Variants in MEIS1 observed in about 807,000 individuals in gnomAD.
MEIS1 encodes homeobox protein Meis1.
Under a neutral mutation model 50.8 loss-of-function variants are expected in MEIS1, and 5 were observed. That is an observed-to-expected ratio of 0.10 (90% CI 0.05 to 0.21). The LOEUF (loss-of-function observed/expected upper bound fraction) is 0.21, where lower values mean the gene tolerates loss of function less well. MEIS1 is among the 10% of genes least tolerant of loss of function. MEIS1 has a pLI of 1.00. For synonymous variants in MEIS1, 176 were observed against 179.3 expected (o/e 0.98, Z 0.15); for missense variants, 318 against 517.3 (o/e 0.61, Z 3.74).
intron 9 of MEIS1, among the ~76,000 whole-genome samples, chr2:66,552,935 A>G (rs994012685): frequency 1.3e-5 from 2 of 152,202 alleles, no homozygotes; most frequent in Admixed American, 6.5e-5. Context: ...TTCTTCCAAC[A>G]TAATTTAATA....
At chr2:66,557,051 G>A (rs1675085112) in intron 9 of MEIS1, among the ~76,000 whole-genome samples, 1 of 152,066 alleles carries the variant, frequency 6.6e-6, no homozygotes, top group Non-Finnish European at 1.5e-5. Flanking sequence ...TTTTGAAATT[G>A]CAAATAACAA....
chr2:66,439,803 T>G (rs2103678749), intron 2 of MEIS1, 40 bp from the exon 3 acceptor site: 1 of 1,609,598 alleles, frequency 6.2e-7, no homozygotes, highest in Non-Finnish European at 8.5e-7. Flanking sequence ...GACTGGGGAC[T>G]AACCATTATG....
chr2:66,520,930 G>A (rs1368395952), intron 8 of MEIS1, among the ~76,000 whole-genome samples: 2 of 152,144 alleles, frequency 1.3e-5, no homozygotes, highest in South Asian at 4.2e-4. Context: ...AAATCAAATC[G>A]CGTTGTGGGA....
At chr2:66,493,262 C>T (rs564772708) in intron 7 of MEIS1, among the ~76,000 whole-genome samples, 1 of 152,242 alleles carries the variant, frequency 6.6e-6, no homozygotes, top group Admixed American at 6.5e-5. Context: ...TGGGTTCAAG[C>T]CCCTTCTCAT....
chr2:66,481,850 C>CTTTTTTTT (rs996753363), intron 7 of MEIS1, among the ~76,000 whole-genome samples: 8 of 90,176 alleles, frequency 8.9e-5, no homozygotes, highest in Non-Finnish European at 1.3e-4. Context: ...TCTGATATTT[C>CTTTTTTTT]TTTTTTTTTT....
chr2:66,482,498 T>C (rs1673041735), intron 7 of MEIS1, among the ~76,000 whole-genome samples: 1 of 152,248 alleles, frequency 6.6e-6, no homozygotes, highest in African/African-American at 2.4e-5. Flanking sequence ...CATTTATTTT[T>C]GAAATGTGTC....
intron 8 of MEIS1, among the ~76,000 whole-genome samples, chr2:66,544,107 C>A (rs1198872872): frequency 6.6e-6 from 1 of 152,162 alleles, no homozygotes; most frequent in Non-Finnish European, 1.5e-5. Context: ...CTAAAAACAG[C>A]ACTTCTCGGA....
chr2:66,458,931 TATA>T (rs1179061754), intron 6 of MEIS1, among the ~76,000 whole-genome samples: 1 of 152,152 alleles, frequency 6.6e-6, no homozygotes, highest in Non-Finnish European at 1.5e-5. Context: ...TTGTATCTAA[TATA>T]ATATCAACAT....
At chr2:66,475,279 T>G (rs1014667810) in intron 7 of MEIS1, among the ~76,000 whole-genome samples, 1 of 146,544 alleles carries the variant, frequency 6.8e-6, no homozygotes, top group African/African-American at 2.5e-5. Context: ...ATATATTATA[T>G]ATAAAAATAT....
chr2:66,495,879 G>A (rs370473327), intron 7 of MEIS1: 1 of 152,328 alleles, frequency 6.6e-6, no homozygotes, highest in African/African-American at 2.4e-5. Flanking sequence ...GCAAGTTCAG[G>A]CCTGGGCATT....
Position 66,527,859 on chromosome 2 carries a change from A to G in MEIS1, c.888+15565A>G, listed in dbSNP as rs184388793. On this transcript the variant is annotated intron_variant, in intron 8 of 12. Coordinates refer to ENST00000272369, the MANE Select transcript of MEIS1 (RefSeq NM_002398.3). ...ACATCTAACTTATCTTTGAATTGCA[A>G]TATAAATGGGGTCATTAAAAGTTTT... is the stretch of plus-strand genomic sequence containing the variant. Among the ~76,000 whole-genome samples, 752 of 152,240 alleles carry G rather than the reference A, an allele frequency of 4.9e-3. 2 individuals are homozygous for G. Among genetic ancestry groups the G allele is most frequent in the African/African-American group, 0.017 (706 of 41,530 alleles).
At chr2:66,536,233 C>T (rs979098964) in intron 8 of MEIS1, among the ~76,000 whole-genome samples, 1 of 152,080 alleles carries the variant, frequency 6.6e-6, no homozygotes, top group East Asian at 1.9e-4. Context: ...TATTTAATAC[C>T]AAATTTACAT....
intron 9 of MEIS1, among the ~76,000 whole-genome samples, chr2:66,554,058 A>T (rs1035143770): frequency 1.3e-5 from 2 of 152,218 alleles, no homozygotes; most frequent in Admixed American, 1.3e-4. Flanking sequence ...TCAGGAGGAC[A>T]AGACACTAGC....
At chr2:66,472,306 T>C (rs1402242651) in intron 7 of MEIS1, among the ~76,000 whole-genome samples, 1 of 152,208 alleles carries the variant, frequency 6.6e-6, no homozygotes, top group African/African-American at 2.4e-5. Flanking sequence ...CCATTTAATG[T>C]AGCCCAAGGA....
chr2:66,529,914 T>C (rs1438374264), intron 8 of MEIS1, among the ~76,000 whole-genome samples: 3 of 152,096 alleles, frequency 2.0e-5, no homozygotes, highest in East Asian at 3.9e-4. Context: ...ACTTAGGCAA[T>C]AGAGACCTTT....
intron 9 of MEIS1, among the ~76,000 whole-genome samples, chr2:66,560,619 G>A (rs1197857665): frequency 1.3e-5 from 2 of 151,366 alleles, no homozygotes; most frequent in Admixed American, 6.6e-5. Flanking sequence ...AAAGAAAATT[G>A]TATATGTAAT....
intron 8 of MEIS1, among the ~76,000 whole-genome samples, chr2:66,519,196 C>T (rs577702088): frequency 6.6e-6 from 1 of 152,192 alleles, no homozygotes; most frequent in Non-Finnish European, 1.5e-5. Flanking sequence ...ACATTGCAAC[C>T]AAGACCACGT....
intron 7 of MEIS1, among the ~76,000 whole-genome samples, chr2:66,485,096 C>T (rs530401150): frequency 1.1e-3 from 167 of 151,936 alleles, no homozygotes; most frequent in African/African-American, 3.4e-3. Flanking sequence ...TATATATACA[C>T]ATATGATTTT....
chr2:66,465,346 C>T (rs1372873290), intron 7 of MEIS1, among the ~76,000 whole-genome samples: 4 of 152,136 alleles, frequency 2.6e-5, no homozygotes, highest in Non-Finnish European at 5.9e-5. Context: ...CTAGTAAAAA[C>T]GGAGCCCAGA....
Sources: gnomAD v4.1 joint callset for allele counts (sites outside exome capture counted in the v4.1 genomes callset) on GRCh38, gnomAD v4.1.1 for gene constraint, MANE v1.5 for transcripts, NCBI Gene and HGNC (gene_info 2026-07-23, HGNC 2026-07-21) for gene names.